The following NALF1 variants were observed in gnomAD, a reference collection of about 807,000 sequenced individuals.
The protein encoded by NALF1 is NALCN channel auxiliary factor 1.
In NALF1, 3 loss-of-function variants were observed where a neutral mutation model predicts 48.4. The ratio of observed to expected loss-of-function variants is 0.06; its 90% confidence interval spans 0.03 to 0.16. NALF1 has a LOEUF of 0.16. Among genes scored for constraint, NALF1 ranks in the 10% least tolerant of loss-of-function variants. The probability of loss-of-function intolerance (pLI) is 1.00; values close to 1 mark genes in which losing one functional copy is unlikely to be tolerated. For synonymous variants in NALF1, 262 were observed against 245.7 expected, an observed-to-expected ratio of 1.07 and a Z score of -0.62; for missense variants, 526 against 571.5, an observed-to-expected ratio of 0.92 and a Z score of 0.81.
At chr13:107,808,588 GA>G in intron 1 of NALF1, among the ~76,000 whole-genome samples, 1 of 151,814 alleles carries the variant, frequency 6.6e-6, no homozygotes, top group East Asian at 1.9e-4. Context: ...AAGTGTAGCT[GA>G]AAGAGGGAGT....
intron 1 of NALF1, among the ~76,000 whole-genome samples, chr13:107,411,551 C>G (rs1444765648): frequency 6.6e-6 from 1 of 152,104 alleles, no homozygotes; most frequent in Non-Finnish European, 1.5e-5. Context: ...TCTCACTGAG[C>G]TAGGTGTGGG....
intron 1 of NALF1, among the ~76,000 whole-genome samples, chr13:107,488,523 C>T (rs1042894324): frequency 2.0e-5 from 3 of 151,980 alleles, no homozygotes; most frequent in African/African-American, 7.3e-5. Context: ...ACAAAAAAAC[C>T]ACATGATTAT....
At chr13:107,715,196 TTC>T (rs893387602) in intron 1 of NALF1, among the ~76,000 whole-genome samples, 10 of 152,024 alleles carry the variant, frequency 6.6e-5, no homozygotes, top group Middle Eastern at 3.4e-3. Context: ...ATTTCTTTCT[TTC>T]TCTCTCTTTC....
At chr13:107,575,608 C>T (rs1013937312) in intron 1 of NALF1, among the ~76,000 whole-genome samples, 1 of 152,118 alleles carries the variant, frequency 6.6e-6, no homozygotes. Context: ...CCATTCCCTG[C>T]TAGATGTAGC....
chr13:107,458,066 A>G (rs537137054), intron 1 of NALF1, among the ~76,000 whole-genome samples: 1 of 152,318 alleles, frequency 6.6e-6, no homozygotes, highest in East Asian at 1.9e-4. Context: ...GAAGGAAACA[A>G]TACATAGGAA....
rs1002181524 is a variant in NALF1 at position 107,166,388 on chromosome 13, C to T, written c.*4109G>A. ...TGAGCAGAGATCTTGCCGCTGCATTCCAGCTTGAGCAACAGAGCAAGATGC... is the reference window on the plus strand; with the variant it reads ...TGAGCAGAGATCTTGCCGCTGCATTTCAGCTTGAGCAACAGAGCAAGATGC... On this transcript the variant is annotated 3_prime_UTR_variant, in exon 3 of 3. Coordinates refer to ENST00000375915, the MANE Select transcript of NALF1 (RefSeq NM_001080396.3). 6.6e-6 allele frequency: 1 copy of T among 152,216 alleles called. No homozygotes were observed. Among genetic ancestry groups the T allele is most frequent in the African/African-American group, 2.4e-5 (1 of 41,450 alleles). The allele number at this position is 152,216 out of a possible 1,614,324, so 9.4% of individuals were successfully genotyped here. A position where few individuals can be genotyped will look rare whatever the true frequency, so the allele number is the denominator to read the frequency against.
intron 1 of NALF1, among the ~76,000 whole-genome samples, chr13:107,782,940 G>T (rs1271513544): frequency 6.8e-6 from 1 of 146,082 alleles, no homozygotes; most frequent in Admixed American, 6.7e-5. Flanking sequence ...CCCCCCGCCC[G>T]GCCAGCCGCC....
At chr13:107,838,415 A>C (rs968516007) in intron 1 of NALF1, among the ~76,000 whole-genome samples, 1 of 152,188 alleles carries the variant, frequency 6.6e-6, no homozygotes, top group African/African-American at 2.4e-5. Context: ...TTTCAGTTGC[A>C]GTATTCTTTT....
chr13:107,861,889 T>C (rs1880579921), intron 1 of NALF1, among the ~76,000 whole-genome samples: 2 of 152,318 alleles, frequency 1.3e-5, no homozygotes, highest in South Asian at 4.1e-4. Context: ...GTTCTCAAAC[T>C]AGTTGGGTAA....
intron 1 of NALF1, among the ~76,000 whole-genome samples, chr13:107,262,267 T>C (rs1303540447): frequency 2.6e-5 from 4 of 151,968 alleles, no homozygotes; most frequent in Non-Finnish European, 5.9e-5. Flanking sequence ...ATACAAAAAT[T>C]AGCCAGGGGT....
intron 1 of NALF1, among the ~76,000 whole-genome samples, chr13:107,864,197 TA>T (rs1014474002): frequency 2.6e-5 from 4 of 152,188 alleles, no homozygotes; most frequent in Non-Finnish European, 5.9e-5. Context: ...AAAAAATAGA[TA>T]AAAAAGTTTA....
At chr13:107,364,966 C>T (rs1325676435) in intron 1 of NALF1, among the ~76,000 whole-genome samples, 1 of 84,882 alleles carries the variant, frequency 1.2e-5, no homozygotes, top group East Asian at 5.2e-4. Flanking sequence ...TTCTCTCTCC[C>T]TCTCCCCCTC....
chr13:107,807,844 C>A (rs1044964713), intron 1 of NALF1, among the ~76,000 whole-genome samples: 1 of 152,130 alleles, frequency 6.6e-6, no homozygotes, highest in South Asian at 2.1e-4. Flanking sequence ...ACAGCTCACA[C>A]GGACTACCAT....
chr13:107,321,840 T>C lies in NALF1; in HGVS notation c.916-111085A>G, dbSNP rs79360049. ...TTTTTCAATCACAATTCTATCCATA[T>C]CCTTGTTTAAAATAAGAATTCCAAA... On this transcript the variant is annotated intron_variant, in intron 1 of 2. Coordinates refer to ENST00000375915, the MANE Select transcript of NALF1 (RefSeq NM_001080396.3). Among the ~76,000 whole-genome samples, 955 of 152,254 alleles carry C rather than the reference T, an allele frequency of 6.3e-3. 9 individuals are homozygous for C. Among genetic ancestry groups the C allele is most frequent in the African/African-American group, 0.022 (912 of 41,546 alleles).
At chr13:107,568,384 G>C (rs1266312293) in intron 1 of NALF1, among the ~76,000 whole-genome samples, 1 of 152,162 alleles carries the variant, frequency 6.6e-6, no homozygotes, top group Non-Finnish European at 1.5e-5. Context: ...CCTGTTAGGG[G>C]CTATCACAAA....
intron 1 of NALF1, among the ~76,000 whole-genome samples, chr13:107,804,175 A>T (rs1335344794): frequency 6.6e-6 from 1 of 152,120 alleles, no homozygotes; most frequent in Non-Finnish European, 1.5e-5. Context: ...TCGCCTGTCC[A>T]CCTTGATCCA....
chr13:107,859,582 G>A (rs1880515310), intron 1 of NALF1, among the ~76,000 whole-genome samples: 2 of 152,158 alleles, frequency 1.3e-5, no homozygotes, highest in African/African-American at 2.4e-5. Context: ...AAGAAGTCAT[G>A]TTAACCATCT....
chr13:107,820,580 G>T (rs1384441646), intron 1 of NALF1, among the ~76,000 whole-genome samples: 2 of 152,190 alleles, frequency 1.3e-5, no homozygotes, highest in Non-Finnish European at 2.9e-5. Context: ...TGTTTAGGGA[G>T]TCCAAAAGCC....
intron 1 of NALF1, among the ~76,000 whole-genome samples, chr13:107,530,790 T>C (rs1019868395): frequency 6.6e-6 from 1 of 152,080 alleles, no homozygotes; most frequent in African/African-American, 2.4e-5. Flanking sequence ...GAAAAGCAGC[T>C]GACAATATAG....
Sources: allele counts gnomAD v4.1 joint callset (sites outside exome capture counted in the v4.1 genomes callset), GRCh38; gene constraint gnomAD v4.1.1; transcripts MANE v1.5; gene names NCBI Gene and HGNC (gene_info 2026-07-23, HGNC 2026-07-21).